Variants in GRM7 observed in about 807,000 individuals in gnomAD.
GRM7 encodes glutamate metabotropic receptor 7.
GRM7 carries 35 observed loss-of-function variants against 84.5 expected under a neutral mutation model. That is an observed-to-expected ratio of 0.41 (90% CI 0.32 to 0.55). The LOEUF is 0.55. Among genes scored for constraint, GRM7 ranks in the 20% least tolerant of loss-of-function variants. GRM7 has a pLI of 0.19. For missense variants in GRM7, 1,003 were observed against 1,194.6 expected, an observed-to-expected ratio of 0.84 and a Z score of 2.36; for synonymous variants, 487 against 455.1, an observed-to-expected ratio of 1.07 and a Z score of -0.89.
intron 8 of GRM7, among the ~76,000 whole-genome samples, chr3:7,599,549 A>G (rs1696217079): frequency 1.3e-5 from 2 of 152,182 alleles, no homozygotes; most frequent in Admixed American, 1.3e-4. Flanking sequence ...TCTTATATCC[A>G]GAGCTTGACA....
At chr3:6,958,681 C>G (rs1011356425) in intron 1 of GRM7, among the ~76,000 whole-genome samples, 1 of 152,024 alleles carries the variant, frequency 6.6e-6, no homozygotes, top group African/African-American at 2.4e-5. Context: ...AAACTAAATA[C>G]AAAAAAACTT....
At chr3:7,145,341 C>G (rs577827354) in intron 1 of GRM7, among the ~76,000 whole-genome samples, 41 of 152,142 alleles carry the variant, frequency 2.7e-4, no homozygotes, top group African/African-American at 9.6e-4. Flanking sequence ...TTTTCTATTG[C>G]TTGATAGAAT....
chr3:7,110,202 C>T (rs1296890420), intron 1 of GRM7, among the ~76,000 whole-genome samples: 1 of 152,074 alleles, frequency 6.6e-6, no homozygotes, highest in Admixed American at 6.6e-5. Flanking sequence ...GTTTTAATTT[C>T]TGTGAAAACT....
chr3:7,314,546 A>G (rs973378601), intron 4 of GRM7, among the ~76,000 whole-genome samples: 3 of 152,024 alleles, frequency 2.0e-5, no homozygotes, highest in Non-Finnish European at 4.4e-5. Context: ...AGAAGTAGAC[A>G]GATGATAATC....
At chr3:6,998,454 A>C (rs892818819) in intron 1 of GRM7, among the ~76,000 whole-genome samples, 1 of 152,130 alleles carries the variant, frequency 6.6e-6, no homozygotes, top group African/African-American at 2.4e-5. Context: ...GCAAGCTGTC[A>C]GTGGATCTAC....
chr3:7,705,368 C>T (rs1017191299), intron 9 of GRM7, among the ~76,000 whole-genome samples: 1 of 152,158 alleles, frequency 6.6e-6, no homozygotes, highest in South Asian at 2.1e-4. Flanking sequence ...AAACAAAGTC[C>T]AGTCTGAAGC....
intron 8 of GRM7, among the ~76,000 whole-genome samples, chr3:7,610,945 A>G (rs1696821613): frequency 1.3e-5 from 2 of 152,178 alleles, no homozygotes; most frequent in Non-Finnish European, 2.9e-5. Context: ...GTTAATGTAT[A>G]ATATTTTTTT....
chr3:7,016,540 G>T (rs772405587), intron 1 of GRM7, among the ~76,000 whole-genome samples: 6 of 152,150 alleles, frequency 3.9e-5, no homozygotes, highest in Non-Finnish European at 8.8e-5. Flanking sequence ...CTTTTCTGAG[G>T]AAGGAACTCA....
intron 1 of GRM7, among the ~76,000 whole-genome samples, chr3:7,019,555 T>C (rs1695698691): frequency 6.6e-6 from 1 of 152,220 alleles, no homozygotes; most frequent in African/African-American, 2.4e-5. Context: ...GGATCAGGGA[T>C]GAATGAGTCG....
intron 1 of GRM7, among the ~76,000 whole-genome samples, chr3:6,920,009 T>C (rs1697070156): frequency 6.6e-6 from 1 of 152,186 alleles, no homozygotes; most frequent in African/African-American, 2.4e-5. Flanking sequence ...AAGTTGAATA[T>C]AACACAGTGG....
At chr3:6,882,240 T>A (rs923062387) in intron 1 of GRM7, among the ~76,000 whole-genome samples, 1 of 152,172 alleles carries the variant, frequency 6.6e-6, no homozygotes, top group Non-Finnish European at 1.5e-5. Flanking sequence ...AAAGGCTGAT[T>A]TTCTTTTGTA....
At chr3:7,277,703 A>AT (rs1034405440) in intron 2 of GRM7, among the ~76,000 whole-genome samples, 5 of 151,702 alleles carry the variant, frequency 3.3e-5, no homozygotes, top group East Asian at 3.9e-4. Context: ...TACATTTTGA[A>AT]TTTTTTTTGC....
chr3:7,151,105 A>T lies in GRM7; in HGVS notation c.736+4437A>T, dbSNP rs77750850. On this transcript the variant is annotated intron_variant, in intron 2 of 9. Coordinates refer to ENST00000357716, the MANE Select transcript of GRM7 (RefSeq NM_000844.4). This position sits in a 1 kb window ranked among gnomAD's most constrained non-coding sequence, Gnocchi z 4.5. Reference sequence around the variant, plus strand: ...TCTTATAAAGTAATTATTATTATTCAGATAAACTCTAGAATTTATTTTTAA... The same window carrying T: ...TCTTATAAAGTAATTATTATTATTCTGATAAACTCTAGAATTTATTTTTAA... Among the ~76,000 whole-genome samples, 1,914 of 152,318 alleles carry T rather than the reference A, an allele frequency of 0.013. 20 individuals carry two copies. Among genetic ancestry groups the T allele is most frequent in the Non-Finnish European group, 0.018 (1,253 of 68,036 alleles).
intron 1 of GRM7, among the ~76,000 whole-genome samples, chr3:6,966,207 T>G (rs1693511926): frequency 6.6e-6 from 1 of 152,208 alleles, no homozygotes; most frequent in Non-Finnish European, 1.5e-5. Flanking sequence ...TTTATGTATT[T>G]TGGTGGCATC....
intron 4 of GRM7, among the ~76,000 whole-genome samples, chr3:7,367,950 A>T (rs1430880752): frequency 5.1e-5 from 6 of 118,808 alleles, no homozygotes; most frequent in Admixed American, 9.6e-5. Flanking sequence ...AAAAAAAAAA[A>T]AAAGAAAAAA....
At chr3:7,656,141 G>A (rs1575599176) in intron 8 of GRM7, among the ~76,000 whole-genome samples, 1 of 152,114 alleles carries the variant, frequency 6.6e-6, no homozygotes, top group African/African-American at 2.4e-5. Context: ...TACTTCAGAT[G>A]TTCTTTCTAT....
chr3:7,555,377 G>A (rs1693708614), intron 7 of GRM7, among the ~76,000 whole-genome samples: 2 of 152,056 alleles, frequency 1.3e-5, no homozygotes, highest in South Asian at 2.1e-4. Context: ...TTGTTAACTG[G>A]CTCTATAGAA....
intron 6 of GRM7, among the ~76,000 whole-genome samples, chr3:7,456,031 C>G (rs1697995376): frequency 6.6e-6 from 1 of 152,008 alleles, no homozygotes; most frequent in South Asian, 2.1e-4. Context: ...AAGTTATGTT[C>G]TTTCTGTATT....
At chr3:7,038,633 T>C (rs1407817943) in intron 1 of GRM7, among the ~76,000 whole-genome samples, 1 of 152,204 alleles carries the variant, frequency 6.6e-6, no homozygotes, top group Non-Finnish European at 1.5e-5. Flanking sequence ...ACTTTCATCA[T>C]GATGTGTTCT....
Sources: gnomAD v4.1 joint callset for allele counts (sites outside exome capture counted in the v4.1 genomes callset) on GRCh38, gnomAD v4.1.1 for gene constraint, Gnocchi (gnomAD v3.1) non-coding constraint, MANE v1.5 for transcripts, NCBI Gene and HGNC (gene_info 2026-07-23, HGNC 2026-07-21) for gene names.